Variants in CDH7 observed in about 807,000 individuals in gnomAD.
The protein encoded by CDH7 is cadherin-7.
In CDH7, 25 loss-of-function variants were observed where a neutral mutation model predicts 71.8. The observed-to-expected ratio is 0.35, with a 90% CI of 0.25 to 0.49. The LOEUF (loss-of-function observed/expected upper bound fraction) is 0.49, where lower values mean the gene tolerates loss of function less well. Ranked by LOEUF, CDH7 falls within the 20% of genes least tolerant of loss-of-function variation. The pLI is 0.99. For synonymous variants in CDH7, 381 were observed against 363.8 expected, an observed-to-expected ratio of 1.05 and a Z score of -0.54; for missense variants, 862 against 974.6, an observed-to-expected ratio of 0.88 and a Z score of 1.54.
At chr18:65,795,428 C>A (rs17075208) in intron 2 of CDH7, among the ~76,000 whole-genome samples, 3,052 of 152,166 alleles carry the variant, frequency 0.02, 108 homozygotes, top group African/African-American at 0.069. Context: ...AAGCAGGTTT[C>A]TACCAGGAAA....
In CDH7 at chr18:65,826,582, A is replaced by T. The variant is rs368441995; in HGVS notation, c.981+1751A>T. On this transcript the variant is annotated intron_variant, in intron 6 of 11. Transcript: ENST00000397968. ...GTCTTTCACATTTTATGAAAATTGT[A>T]TTTATACAGAATAACAGATTATAAG... Among the ~76,000 whole-genome samples, 62 of 144,566 alleles carry T rather than the reference A, an allele frequency of 4.3e-4. 1 individual carries two copies. In the South Asian group the frequency reaches 0.014, roughly 32 times the overall value. 94.8% of individuals were successfully genotyped at this position (144,566 alleles called of 152,430 possible). A position where few individuals can be genotyped will look rare whatever the true frequency, so the allele number is the denominator to read the frequency against.
chr18:65,840,711 C>T (rs1450617378), intron 6 of CDH7, among the ~76,000 whole-genome samples: 12 of 152,138 alleles, frequency 7.9e-5, no homozygotes, highest in Non-Finnish European at 1.5e-4. Flanking sequence ...GTTGTGAGAC[C>T]TCCCCAGCCA....
In CDH7 at chr18:65,814,624, A is replaced by T; in HGVS notation, c.625+20A>T. The T allele has an allele frequency of 1.2e-6, 2 of 1,600,326 alleles. No individual in the cohort carries two copies. The highest frequency in any genetic ancestry group is 1.7e-6 in the Non-Finnish European group (2 of 1,173,914). Reference sequence around the variant, plus strand: ...AGACAGGTAAAAATTGAAATGTGACATTCTTGTAAAGTCATCATTTGTTTG... The same window carrying T: ...AGACAGGTAAAAATTGAAATGTGACTTTCTTGTAAAGTCATCATTTGTTTG... On this transcript the variant is annotated intron_variant, in intron 4 of 11. Coordinates refer to ENST00000397968, the MANE Select transcript of CDH7 (RefSeq NM_004361.5).
chr18:65,813,271 A>G (rs1911606937), intron 3 of CDH7, among the ~76,000 whole-genome samples: 1 of 152,202 alleles, frequency 6.6e-6, no homozygotes, highest in Non-Finnish European at 1.5e-5. Context: ...GGTGGAGGTT[A>G]CGGTGAGCCA....
chr18:65,780,091 A>C (rs1201691997), intron 2 of CDH7, among the ~76,000 whole-genome samples: 1 of 104,768 alleles, frequency 9.5e-6, no homozygotes, highest in Non-Finnish European at 1.7e-5. Context: ...TTTTGGCTGC[A>C]TAAATGTCTT....
At chr18:65,815,514 C>G (rs1911693406) in intron 4 of CDH7, among the ~76,000 whole-genome samples, 1 of 152,100 alleles carries the variant, frequency 6.6e-6, no homozygotes, top group African/African-American at 2.4e-5. Flanking sequence ...ACCAAAAGGG[C>G]AATATTAATT....
intron 2 of CDH7, among the ~76,000 whole-genome samples, chr18:65,808,306 T>C (rs1037776918): frequency 1.3e-5 from 2 of 152,232 alleles, no homozygotes; most frequent in Non-Finnish European, 2.9e-5. Context: ...TTTCACCCTT[T>C]GTATTATAAA....
intron 2 of CDH7, among the ~76,000 whole-genome samples, chr18:65,777,095 G>C (rs535743904): frequency 1.3e-5 from 2 of 152,194 alleles, no homozygotes; most frequent in South Asian, 2.1e-4. Context: ...GTAGGCAGGT[G>C]TTCTAGAAAA....
chr18:65,880,637 A>G lies in CDH7; in HGVS notation c.2101A>G (p.Ile701Val), dbSNP rs2067977535. The change falls in exon 12 of 12, where the codon ATC (isoleucine) becomes GTC (valine). Residue 701 changes from isoleucine (I) to valine (V), a missense_variant. Transcript: ENST00000397968. ...CCTGAGTCGACCAGCTTTTAAAAGC[A>G]TCCCAGATAATGTCATCTTTAGGGA... ...QFLSRPAFKS[I>V]PDNVIFREFI... 3 of 1,613,948 alleles carry G rather than the reference A, an allele frequency of 1.9e-6. No individual in the cohort carries two copies. Among genetic ancestry groups the G allele is most frequent in the South Asian group, 2.2e-5 (2 of 91,080 alleles).
At chr18:65,830,719 C>CTT (rs1912316198) in intron 6 of CDH7, among the ~76,000 whole-genome samples, 1 of 97,216 alleles carries the variant, frequency 1.0e-5, no homozygotes, top group South Asian at 4.5e-4. Flanking sequence ...TCTTCTTTCT[C>CTT]TCTCTCTCTT....
At chr18:65,825,032 A>G (rs1054860360) in intron 6 of CDH7, among the ~76,000 whole-genome samples, 2 of 151,836 alleles carry the variant, frequency 1.3e-5, no homozygotes, top group African/African-American at 4.8e-5. Flanking sequence ...CATCAATTCT[A>G]TTCTTTAAGA....
At chr18:65,813,005 C>T (rs866909656) in intron 3 of CDH7, among the ~76,000 whole-genome samples, 1 of 152,174 alleles carries the variant, frequency 6.6e-6, no homozygotes, top group Non-Finnish European at 1.5e-5. Context: ...CCCCACCAGA[C>T]ATCCACAGGG....
At chr18:65,768,808 AT>A (rs1311507137) in intron 2 of CDH7, among the ~76,000 whole-genome samples, 3 of 152,108 alleles carry the variant, frequency 2.0e-5, no homozygotes, top group African/African-American at 4.8e-5. Context: ...ATTTATATTG[AT>A]TATATGCCTT....
intron 1 of CDH7, 147 bp from the exon 2 acceptor site, chr18:65,762,500 A>G (rs979364943): frequency 1.3e-5 from 2 of 154,500 alleles, no homozygotes; most frequent in Non-Finnish European, 2.9e-5. Context: ...GTATATAATT[A>G]ATATTTTAAT....
chr18:65,762,267 C>T (rs1217634125), intron 1 of CDH7, among the ~76,000 whole-genome samples: 5 of 151,768 alleles, frequency 3.3e-5, no homozygotes, highest in Non-Finnish European at 5.9e-5. Flanking sequence ...CTAATACCAA[C>T]GAATGAAAAT....
At chr18:65,830,596 C>T (rs983580426) in intron 6 of CDH7, among the ~76,000 whole-genome samples, 3 of 88,764 alleles carry the variant, frequency 3.4e-5, no homozygotes, top group African/African-American at 1.0e-4. Flanking sequence ...CTCCTTCCCT[C>T]CCCCCTTCCC....
chr18:65,778,996 CACTT>C (rs1910070941), intron 2 of CDH7, among the ~76,000 whole-genome samples: 1 of 151,488 alleles, frequency 6.6e-6, no homozygotes, highest in Admixed American at 6.6e-5. Context: ...GAATTTGAAA[CACTT>C]AGTCTCTAGA....
intron 7 of CDH7, among the ~76,000 whole-genome samples, chr18:65,854,621 G>A (rs751167537): frequency 1.3e-5 from 2 of 152,074 alleles, no homozygotes; most frequent in Non-Finnish European, 2.9e-5. Context: ...CATTTAGACT[G>A]ATGTCTGTCA....
chr18:65,829,618 C>T (rs565029655), intron 6 of CDH7, among the ~76,000 whole-genome samples: 1 of 152,052 alleles, frequency 6.6e-6, no homozygotes, highest in East Asian at 1.9e-4. Flanking sequence ...TTCTTCAAAC[C>T]TCCCCCTGCC....
Sources: gnomAD v4.1 joint callset for allele counts (sites outside exome capture counted in the v4.1 genomes callset) on GRCh38, gnomAD v4.1.1 for gene constraint, MANE v1.5 for transcripts, NCBI Gene and HGNC (gene_info 2026-07-23, HGNC 2026-07-21) for gene names.